The following NPAS3 variants were observed in gnomAD, a reference collection of about 807,000 sequenced individuals.
NPAS3 encodes neuronal PAS domain-containing protein 3.
Under a neutral mutation model 73.1 loss-of-function variants are expected in NPAS3, and 14 were observed. The ratio of observed to expected loss-of-function variants is 0.19; its 90% CI spans 0.13 to 0.30. The LOEUF (loss-of-function observed/expected upper bound fraction) is 0.30, where lower values mean the gene tolerates loss of function less well. NPAS3 is among the 10% of genes least tolerant of loss of function. NPAS3 has a pLI of 1.00. For synonymous variants in NPAS3, 620 were observed against 541.5 expected (o/e 1.14, Z -2.01); for missense variants, 1,096 against 1,250.0 (o/e 0.88, Z 1.86).
chr14:33,109,262 AG>A (rs1370644722), intron 2 of NPAS3, among the ~76,000 whole-genome samples: 2 of 152,178 alleles, frequency 1.3e-5, no homozygotes, highest in Non-Finnish European at 2.9e-5. Context: ...GTGTAATTAG[AG>A]GAAAACTTTT....
intron 9 of NPAS3, among the ~76,000 whole-genome samples, chr14:33,781,734 G>A (rs1206589101): frequency 6.6e-6 from 1 of 152,158 alleles, no homozygotes; most frequent in East Asian, 1.9e-4. Flanking sequence ...TTTAATATCT[G>A]TCTTATGCCC....
chr14:33,519,296 C>T (rs12587148), intron 4 of NPAS3, among the ~76,000 whole-genome samples: 81,247 of 151,922 alleles, frequency 0.53, 21,936 homozygotes, highest in South Asian at 0.67. Flanking sequence ...CCAAGCCCTC[C>T]CTGAGCTTTG....
chr14:33,436,168 G>C (rs2048980862), intron 4 of NPAS3, among the ~76,000 whole-genome samples: 1 of 152,132 alleles, frequency 6.6e-6, no homozygotes, highest in Non-Finnish European at 1.5e-5. Context: ...ATGAAGAATG[G>C]GTGATTTCGA....
intron 7 of NPAS3, among the ~76,000 whole-genome samples, chr14:33,755,402 C>G (rs2062084917): frequency 6.6e-6 from 1 of 152,058 alleles, no homozygotes; most frequent in Non-Finnish European, 1.5e-5. Context: ...TTCAGATTAC[C>G]CATTTTATTT....
Position 33,776,594 on chromosome 14 carries a change from A to C in NPAS3, c.1047-1872A>C, listed in dbSNP as rs1056939255. Among the ~76,000 whole-genome samples the C allele has an allele frequency of 8.1e-5, 12 of 148,738 alleles. No homozygotes were observed. The South Asian group carries it at 2.6e-3, about 33-fold the overall frequency. ...ACAGTCCCCTTTATTAGCCAATACA[A>C]TACAGCATTATTTCCCATCTACAGA... On this transcript the variant is annotated intron_variant, in intron 8 of 11. Coordinates refer to ENST00000356141, the Ensembl canonical transcript of NPAS3.
intron 3 of NPAS3, among the ~76,000 whole-genome samples, chr14:33,237,033 C>T (rs1448342859): frequency 6.6e-6 from 1 of 151,958 alleles, no homozygotes; most frequent in African/African-American, 2.4e-5. Context: ...TTTTCAGTGG[C>T]TTTTAGGAAA....
At chr14:33,624,588 C>CTAT (rs1413575819) in intron 5 of NPAS3, among the ~76,000 whole-genome samples, 1 of 146,100 alleles carries the variant, frequency 6.8e-6, no homozygotes, top group East Asian at 2.0e-4. Context: ...TTTTTTCATT[C>CTAT]TATTAATTAA....
At chr14:33,781,810 C>T (rs888328018) in intron 9 of NPAS3, among the ~76,000 whole-genome samples, 2 of 152,134 alleles carry the variant, frequency 1.3e-5, no homozygotes, top group African/African-American at 4.8e-5. Flanking sequence ...CTATCTTTAT[C>T]ACTTATATCT....
At chr14:32,992,846 G>A (rs2139488065) in intron 1 of NPAS3, among the ~76,000 whole-genome samples, 1 of 152,156 alleles carries the variant, frequency 6.6e-6, no homozygotes, top group Non-Finnish European at 1.5e-5. Context: ...TATGGAGCTG[G>A]TTTGGCAAGG....
intron 1 of NPAS3, among the ~76,000 whole-genome samples, chr14:32,953,829 C>A (rs1228487834): frequency 6.6e-6 from 1 of 152,150 alleles, no homozygotes. Context: ...GTTTAGGGAA[C>A]TTGAATCTTT....
chr14:33,151,289 G>A (rs1179540071), intron 2 of NPAS3, among the ~76,000 whole-genome samples: 1 of 152,140 alleles, frequency 6.6e-6, no homozygotes, highest in Non-Finnish European at 1.5e-5. Flanking sequence ...AAGTAACCCA[G>A]GAGAACTACT....
intron 3 of NPAS3, among the ~76,000 whole-genome samples, chr14:33,226,954 A>G (rs2047659380): frequency 6.6e-6 from 1 of 152,236 alleles, no homozygotes; most frequent in African/African-American, 2.4e-5. Context: ...ATAAAAATAG[A>G]TGAATACTAT....
chr14:33,602,765 T>G (rs1333812605), intron 5 of NPAS3, among the ~76,000 whole-genome samples: 1 of 152,126 alleles, frequency 6.6e-6, no homozygotes, highest in East Asian at 1.9e-4. Flanking sequence ...ATCCTGACAG[T>G]AGATAATAGA....
At chr14:33,658,277 A>G (rs545102609) in intron 5 of NPAS3, among the ~76,000 whole-genome samples, 1 of 152,344 alleles carries the variant, frequency 6.6e-6, no homozygotes, top group South Asian at 2.1e-4. Flanking sequence ...TTCAAGAATC[A>G]GTGGTGAAGA....
chr14:33,179,418 A>G (rs2045714294), intron 2 of NPAS3, among the ~76,000 whole-genome samples: 1 of 152,204 alleles, frequency 6.6e-6, no homozygotes, highest in Non-Finnish European at 1.5e-5. Flanking sequence ...AGGAGTTTCT[A>G]CTAGGTGTTA....
intron 5 of NPAS3, among the ~76,000 whole-genome samples, chr14:33,619,373 G>A (rs868056731): frequency 1.3e-5 from 2 of 151,930 alleles, no homozygotes; most frequent in Non-Finnish European, 2.9e-5. Flanking sequence ...TAGACTGGAC[G>A]AATAGGTTAG....
intron 4 of NPAS3, among the ~76,000 whole-genome samples, chr14:33,490,181 A>G (rs1384904766): frequency 6.6e-6 from 1 of 152,132 alleles, no homozygotes; most frequent in African/African-American, 2.4e-5. Flanking sequence ...TATTCGTTTC[A>G]TGGGCAGGTA....
intron 1 of NPAS3, among the ~76,000 whole-genome samples, chr14:32,940,591 C>T (rs959687841): frequency 6.6e-6 from 1 of 152,186 alleles, no homozygotes; most frequent in Non-Finnish European, 1.5e-5. Flanking sequence ...TATATGCACC[C>T]CCACCCGCAG....
chr14:33,523,561 G>T (rs528851052), intron 4 of NPAS3, among the ~76,000 whole-genome samples: 1 of 151,578 alleles, frequency 6.6e-6, no homozygotes, highest in African/African-American at 2.4e-5. Context: ...TCAGGAGTTC[G>T]AAATTAGCCT....
Sources: gnomAD v4.1 joint callset for allele counts (sites outside exome capture counted in the v4.1 genomes callset) on GRCh38, gnomAD v4.1.1 for gene constraint, MANE v1.5 for transcripts, NCBI Gene and HGNC (gene_info 2026-07-23, HGNC 2026-07-21) for gene names.